SYNPR: variants seen among roughly 807,000 people sequenced by gnomAD.
SYNPR encodes the protein synaptoporin.
Under a neutral mutation model 32.9 loss-of-function variants are expected in SYNPR, and 23 were observed. That is an observed-to-expected ratio of 0.70 (90% CI 0.50 to 0.99). The LOEUF (loss-of-function observed/expected upper bound fraction) is 0.99. SYNPR is among the 50% of genes least tolerant of loss of function. The pLI, the probability that SYNPR is intolerant of heterozygous loss-of-function variation, is 0.00. For synonymous variants in SYNPR, 146 were observed against 135.9 expected (o/e 1.07, Z -0.52); for missense variants, 318 against 349.3 (o/e 0.91, Z 0.71).
At chr3:63,505,095 T>C (rs1316826486) in intron 3 of SYNPR, among the ~76,000 whole-genome samples, 1 of 152,104 alleles carries the variant, frequency 6.6e-6, no homozygotes, top group African/African-American at 2.4e-5. Flanking sequence ...TGTTAACAGC[T>C]CTCATTTACT....
intron 3 of SYNPR, among the ~76,000 whole-genome samples, chr3:63,552,251 C>T (rs1403893928): frequency 1.3e-5 from 2 of 152,012 alleles, no homozygotes; most frequent in East Asian, 1.9e-4. Context: ...TAAGTCAATG[C>T]CACTTTTTTT....
At chr3:63,420,039 A>G (rs1413432334) in intron 2 of SYNPR, among the ~76,000 whole-genome samples, 1 of 152,246 alleles carries the variant, frequency 6.6e-6, no homozygotes, top group Non-Finnish European at 1.5e-5. Flanking sequence ...TATAGGAAAC[A>G]TATGTAAAAT....
chr3:63,388,536 C>A (rs1196566410), intron 2 of SYNPR, among the ~76,000 whole-genome samples: 1 of 149,292 alleles, frequency 6.7e-6, no homozygotes, highest in Non-Finnish European at 1.5e-5. Flanking sequence ...TACAGGCGCA[C>A]ACCACCACAC....
intron 2 of SYNPR, among the ~76,000 whole-genome samples, chr3:63,397,640 C>A (rs1330898263): frequency 6.6e-6 from 1 of 152,132 alleles, no homozygotes; most frequent in African/African-American, 2.4e-5. Flanking sequence ...CAATACTAGA[C>A]CATCTAATAT....
At chr3:63,308,767 A>G (rs1380798366) in intron 2 of SYNPR, among the ~76,000 whole-genome samples, 3 of 151,888 alleles carry the variant, frequency 2.0e-5, no homozygotes, top group Non-Finnish European at 2.9e-5. Context: ...GCTTTGAACA[A>G]TTTAACTATG....
intron 2 of SYNPR, among the ~76,000 whole-genome samples, chr3:63,440,183 G>A (rs1314115766): frequency 6.6e-6 from 1 of 152,130 alleles, no homozygotes; most frequent in African/African-American, 2.4e-5. Context: ...ACAACTGAGT[G>A]GCAAAGGAAG....
chr3:63,300,331 T>TACTA (rs145289436), intron 2 of SYNPR, among the ~76,000 whole-genome samples: 5 of 151,326 alleles, frequency 3.3e-5, no homozygotes, highest in African/African-American at 1.2e-4. Flanking sequence ...CATTCTTTGC[T>TACTA]TCTATCTATC....
intron 3 of SYNPR, among the ~76,000 whole-genome samples, chr3:63,529,511 C>A (rs997652336): frequency 6.6e-6 from 1 of 152,126 alleles, no homozygotes; most frequent in African/African-American, 2.4e-5. Flanking sequence ...GATTCTGTGG[C>A]TTCCCCGTGC....
intron 4 of SYNPR, among the ~76,000 whole-genome samples, chr3:63,576,374 C>A (rs1453297695): frequency 2.0e-5 from 3 of 152,142 alleles, no homozygotes; most frequent in Admixed American, 2.0e-4. Context: ...CTAGCCATTT[C>A]CCTCACCCAA....
intron 4 of SYNPR, among the ~76,000 whole-genome samples, chr3:63,600,866 A>G (rs1158399327): frequency 1.3e-5 from 2 of 152,218 alleles, no homozygotes; most frequent in Non-Finnish European, 2.9e-5. Context: ...TCATAGCAAC[A>G]TAAGAAAGGA....
intron 3 of SYNPR, among the ~76,000 whole-genome samples, chr3:63,548,248 A>T (rs934769821): frequency 3.3e-5 from 5 of 152,146 alleles, no homozygotes; most frequent in African/African-American, 1.2e-4. Context: ...GTCATAAGTA[A>T]AACAACTAAG....
intron 3 of SYNPR, among the ~76,000 whole-genome samples, chr3:63,506,867 C>T (rs1192319519): frequency 6.6e-6 from 1 of 152,142 alleles, no homozygotes; most frequent in African/African-American, 2.4e-5. Flanking sequence ...CTATGAGAAC[C>T]TTGGCTTTAT....
chr3:63,267,937 G>C (rs2086504232), intron 3 of SYNPR, among the ~76,000 whole-genome samples: 1 of 152,046 alleles, frequency 6.6e-6, no homozygotes, highest in South Asian at 2.1e-4. Flanking sequence ...AAAGCAACTT[G>C]TTCAGTATCA....
chr3:63,394,649 T>A (rs891928257), intron 2 of SYNPR, among the ~76,000 whole-genome samples: 48 of 152,286 alleles, frequency 3.2e-4, no homozygotes, highest in African/African-American at 1.1e-3. Context: ...GCTCCCCAGA[T>A]ATCCCTAAGC....
rs563383017 is a variant in SYNPR at position 63,516,076 on chromosome 3, G to A, written c.209+35120G>A. ...TTTCAAAAAAAATTATATTTTCAAG[G>A]CAAATTTCTCATTAGTTTTACTGGT... On this transcript the variant is annotated intron_variant, in intron 3 of 5. Transcript: ENST00000478300. 2.5e-3 allele frequency among the ~76,000 whole-genome samples: 373 copies of A among 152,046 alleles called. 11 individuals carry two copies. The South Asian group carries it at 0.032, about 13-fold the overall frequency.
chr3:63,317,235 T>C (rs563989344), intron 2 of SYNPR, among the ~76,000 whole-genome samples: 1 of 152,172 alleles, frequency 6.6e-6, no homozygotes, highest in South Asian at 2.1e-4. Context: ...GTTCTGTATA[T>C]ATCTGTTAAG....
intron 2 of SYNPR, among the ~76,000 whole-genome samples, chr3:63,440,987 G>C (rs759896020): frequency 3.3e-5 from 5 of 152,150 alleles, no homozygotes; most frequent in Non-Finnish European, 1.5e-5. Context: ...ATGTGGATTT[G>C]TCATACCCTG....
rs371471007 is a variant in SYNPR, at chr3:63,504,086, A to C, written c.209+23130A>C. Reference sequence around the variant, plus strand: ...AGCAAGTACTATATATAACAGGATAACCTTTTAATGAGTTATTTTATATTA... The same window carrying C: ...AGCAAGTACTATATATAACAGGATACCCTTTTAATGAGTTATTTTATATTA... On this transcript the variant is annotated intron_variant, in intron 3 of 5. Coordinates refer to ENST00000478300, the MANE Select transcript of SYNPR (RefSeq NM_001130003.2). Among the ~76,000 whole-genome samples the C allele has an allele frequency of 7.2e-5, 11 of 152,252 alleles. No homozygotes were observed. The East Asian group carries it at 1.7e-3, about 24-fold the overall frequency.
At chr3:63,344,094 T>G (rs2087406407) in intron 2 of SYNPR, among the ~76,000 whole-genome samples, 1 of 152,262 alleles carries the variant, frequency 6.6e-6, no homozygotes, top group Non-Finnish European at 1.5e-5. Context: ...AAGAATGTTC[T>G]TTCACATTGT....
Sources: gnomAD v4.1 joint callset for allele counts (sites outside exome capture counted in the v4.1 genomes callset) on GRCh38, gnomAD v4.1.1 for gene constraint, MANE v1.5 for transcripts, NCBI Gene and HGNC (gene_info 2026-07-23, HGNC 2026-07-21) for gene names.